The following CEP192 variants were observed in gnomAD, a reference collection of about 807,000 sequenced individuals.
CEP192 encodes the protein centrosomal protein 192.
CEP192 carries 151 observed loss-of-function variants against 271.8 expected under a neutral mutation model. That is an observed-to-expected ratio of 0.56 (90% CI 0.49 to 0.64). The LOEUF is 0.64. Ranked by LOEUF, CEP192 falls within the 30% of genes least tolerant of loss-of-function variation. CEP192 has a pLI of 0.00. For missense variants in CEP192, 2,910 were observed against 3,020.5 expected (o/e 0.96, Z 0.86); for synonymous variants, 995 against 1,076.5 (o/e 0.92, Z 1.48).
At chr18:13,050,400 A>G (rs1289880928) in intron 17 of CEP192, among the ~76,000 whole-genome samples, 1 of 152,126 alleles carries the variant, frequency 6.6e-6, no homozygotes, top group Non-Finnish European at 1.5e-5. Context: ...CCTATTAACT[A>G]TTTACCAAGC....
intron 3 of CEP192, among the ~76,000 whole-genome samples, chr18:13,005,151 C>T (rs138799933): frequency 8.5e-4 from 129 of 152,150 alleles, no homozygotes; most frequent in African/African-American, 3.0e-3. Context: ...GATGATGCCA[C>T]GGCTGTGGGA....
At chr18:13,061,088 C>T (rs186240744) in intron 21 of CEP192, among the ~76,000 whole-genome samples, 27 of 152,166 alleles carry the variant, frequency 1.8e-4, no homozygotes, top group African/African-American at 3.4e-4. Context: ...TTTAGGAGGC[C>T]GAGGCGGGCA....
chr18:13,017,197 T>C lies in CEP192; in HGVS notation c.650T>C (p.Ile217Thr), dbSNP rs1030553092. The change falls in exon 7 of 45, where the codon ATT becomes ACT. Residue 217 changes from isoleucine to threonine, a missense_variant. Physicochemically the swap from Ile to Thr is moderately conservative, Grantham distance 89. Transcript: ENST00000506447. ...TCGATTTTATCAATAGATGATGATA[T>C]TGATGATGAAATGTTTTATGATGAT... is the stretch of plus-strand genomic sequence containing the variant. ...TSLEDSSDDD[I>T]DDEMFYDDHL... is the part of the protein sequence containing the mutation. 9.7e-6 allele frequency: 15 copies of C among 1,544,018 alleles called. No homozygotes were observed. Among genetic ancestry groups the C allele is most frequent in the African/African-American group, 2.8e-5 (2 of 72,638 alleles).
intron 14 of CEP192, among the ~76,000 whole-genome samples, chr18:13,041,608 C>T (rs893669714): frequency 6.8e-6 from 1 of 147,798 alleles, no homozygotes; most frequent in African/African-American, 2.5e-5. Context: ...GACAGAGTCT[C>T]TCTCTGTCAC....
intron 27 of CEP192, among the ~76,000 whole-genome samples, chr18:13,070,416 G>A (rs1203027885): frequency 6.6e-6 from 1 of 152,138 alleles, no homozygotes; most frequent in East Asian, 1.9e-4. Flanking sequence ...AATAATAAAA[G>A]ATCAATTTGA....
At chr18:12,992,321 G>T (rs2032915225) in intron 1 of CEP192, among the ~76,000 whole-genome samples, 1 of 152,190 alleles carries the variant, frequency 6.6e-6, no homozygotes. Flanking sequence ...AAAGTGCCAA[G>T]AGTAAATGAT....
intron 11 of CEP192, among the ~76,000 whole-genome samples, chr18:13,034,782 G>T (rs1373768048): frequency 1.4e-5 from 2 of 144,906 alleles, no homozygotes; most frequent in Middle Eastern, 3.8e-3. Flanking sequence ...TTGCACCACT[G>T]CCCTCCAGAC....
chr18:13,088,481 G>C (rs972931584), intron 32 of CEP192, among the ~76,000 whole-genome samples: 1 of 152,110 alleles, frequency 6.6e-6, no homozygotes, highest in African/African-American at 2.4e-5. Context: ...TTTAAACATA[G>C]TTTGATATGC....
chr18:13,030,073 A>T (rs2035530614), intron 10 of CEP192, 71 bp downstream of exon 10: 3 of 1,155,298 alleles, frequency 2.6e-6, no homozygotes, highest in Non-Finnish European at 3.6e-6. Flanking sequence ...ACATATTTTC[A>T]TGTGAAATGT....
At chr18:13,089,184 T>C (rs2039029395) in intron 32 of CEP192, among the ~76,000 whole-genome samples, 1 of 152,204 alleles carries the variant, frequency 6.6e-6, no homozygotes, top group African/African-American at 2.4e-5. Flanking sequence ...TTATCACAAA[T>C]AATGAAAATG....
intron 36 of CEP192, among the ~76,000 whole-genome samples, chr18:13,098,102 T>C (rs2039498969): frequency 6.6e-6 from 1 of 152,246 alleles, no homozygotes; most frequent in Non-Finnish European, 1.5e-5. Flanking sequence ...CCTTTCCCCC[T>C]TTTCTATTCC....
At chr18:13,015,853 C>T (rs903000602) in intron 6 of CEP192, among the ~76,000 whole-genome samples, 3 of 151,404 alleles carry the variant, frequency 2.0e-5, no homozygotes, top group Admixed American at 1.3e-4. Flanking sequence ...TCAAGTGATT[C>T]ACCTGCCTCA....
chr18:13,018,448 A>G, intron 7 of CEP192, 32 bp from the exon 8 acceptor site: 1 of 1,345,144 alleles, frequency 7.4e-7, no homozygotes, highest in Non-Finnish European at 9.9e-7. Flanking sequence ...TTAATTTAAA[A>G]GATTAATACA....
chr18:13,016,685 T>G (rs924234013), intron 6 of CEP192, among the ~76,000 whole-genome samples: 12 of 152,208 alleles, frequency 7.9e-5, no homozygotes, highest in African/African-American at 2.9e-4. Flanking sequence ...CATTGCCAAC[T>G]TAGAAGACCA....
At chr18:13,048,805 A>G (rs1338435502) in intron 15 of CEP192, 54 bp from the exon 16 acceptor site, 12 of 1,203,724 alleles carry the variant, frequency 1.0e-5, no homozygotes, top group Non-Finnish European at 1.3e-5. Context: ...GGGACTAATG[A>G]ATGTTCATGA....
chr18:13,100,367 C>T lies in CEP192; in HGVS notation c.6726C>T (p.Thr2242=), dbSNP rs368913825. ...AAGTGGAACTTTTAACTCGTTTGACCTCCAAACCATTTGGAATTCTTTCCC... is the reference window on the plus strand; with the variant it reads ...AAGTGGAACTTTTAACTCGTTTGACTTCCAAACCATTTGGAATTCTTTCCC... The part of the protein sequence containing the change: ...LTQVELLTRL[T]SKPFGILSPV... The change falls in exon 38 of 45, where the codon ACC becomes ACT. Residue 2242 remains threonine (T), a synonymous_variant. Transcript: ENST00000506447. 1 of 1,613,866 alleles carries T rather than the reference C, an allele frequency of 6.2e-7. No individual in the cohort carries two copies. Among genetic ancestry groups the T allele is most frequent in the African/African-American group, 1.3e-5 (1 of 74,910 alleles).
At chr18:13,081,702 T>G (rs528030610) in intron 30 of CEP192, among the ~76,000 whole-genome samples, 8 of 152,330 alleles carry the variant, frequency 5.3e-5, no homozygotes, top group Non-Finnish European at 1.0e-4. Flanking sequence ...TTGCTCTTGC[T>G]CCTCTAGTTC....
chr18:12,991,738 C>T (rs2032863642), intron 1 of CEP192, among the ~76,000 whole-genome samples: 1 of 152,252 alleles, frequency 6.6e-6, no homozygotes, highest in Admixed American at 6.5e-5. Context: ...CTTCTTTCCT[C>T]CCCTCTTGTC....
At position 13,013,001 on chromosome 18, in the gene CEP192, A is replaced by G. The variant is rs1241439856; in HGVS notation, c.495A>G (p.Ser165=). Residue 165 remains serine, a synonymous_variant, in exon 5 of 45, where the codon TCA becomes TCG. Transcript: ENST00000506447. The stretch of plus-strand genomic sequence containing the variant: ...CACCTATTGATTTTCATTTACAGTC[A>G]TGGATGAATAATAAGGAACCCAAGG... The part of the protein sequence containing the change: ...QDSPIDFHLQ[S]WMNNKEPKIV... The G allele has an allele frequency of 5.3e-6, 8 of 1,514,360 alleles. No homozygotes were observed. The East Asian group carries it at 2.0e-4, about 37-fold the overall frequency. 93.8% of individuals were successfully genotyped at this position (1,514,360 alleles called of 1,614,324 possible).
Sources: gnomAD v4.1 joint callset for allele counts (sites outside exome capture counted in the v4.1 genomes callset) on GRCh38, gnomAD v4.1.1 for gene constraint, MANE v1.5 for transcripts, NCBI Gene and HGNC (gene_info 2026-07-23, HGNC 2026-07-21) for gene names.